Variants in AP4E1 observed in about 807,000 individuals in gnomAD.
The protein encoded by AP4E1 is AP-4 complex subunit epsilon-1.
In AP4E1, 56 loss-of-function variants were observed where a neutral mutation model predicts 128.2. The ratio of observed to expected loss-of-function variants is 0.44; its 90% confidence interval spans 0.35 to 0.55. AP4E1 has a LOEUF of 0.55. Among genes scored for constraint, AP4E1 ranks in the 20% least tolerant of loss-of-function variants. The pLI, the probability that AP4E1 is intolerant of heterozygous loss-of-function variation, is 0.00. For synonymous variants in AP4E1, 484 were observed against 473.1 expected (o/e 1.02, Z -0.30); for missense variants, 1,324 against 1,307.7 (o/e 1.01, Z -0.19).
intron 10 of AP4E1, among the ~76,000 whole-genome samples, chr15:50,942,538 A>T (rs2064001755): frequency 6.6e-6 from 1 of 151,482 alleles, no homozygotes; most frequent in Non-Finnish European, 1.5e-5. Flanking sequence ...TAATGAAGAT[A>T]TTCATAAATT....
chr15:50,945,434 A>T (rs1316912330), intron 10 of AP4E1: 2 of 777,320 alleles, frequency 2.6e-6, no homozygotes, highest in Non-Finnish European at 4.8e-6. Context: ...ACGGCAGCAA[A>T]TGAAGACTAT....
At chr15:50,996,481 A>G (rs768493778) in intron 17 of AP4E1, among the ~76,000 whole-genome samples, 12 of 152,112 alleles carry the variant, frequency 7.9e-5, no homozygotes, top group Non-Finnish European at 1.2e-4. Context: ...ATCTGTTCAG[A>G]GTTGGAAGAA....
intron 8 of AP4E1, among the ~76,000 whole-genome samples, chr15:50,938,669 T>C (rs1402664046): frequency 3.3e-5 from 5 of 152,164 alleles, no homozygotes; most frequent in Admixed American, 2.6e-4. Flanking sequence ...AGAGAAAGCC[T>C]GGTGGACAGT....
At chr15:50,934,471 C>A in intron 7 of AP4E1, 153 bp from the exon 8 acceptor site, 1 of 594,652 alleles carries the variant, frequency 1.7e-6, no homozygotes, top group Non-Finnish European at 3.0e-6. Context: ...AACAGCAAAC[C>A]TTTTAAGAAG....
At chr15:50,922,163 C>CA (rs34829950) in intron 3 of AP4E1, among the ~76,000 whole-genome samples, 22,597 of 79,586 alleles carry the variant, frequency 0.28, 2,848 homozygotes, top group African/African-American at 0.4. Flanking sequence ...CCTATCTCTA[C>CA]AAAAAAAAAA....
At position 51,002,854 on chromosome 15, in the gene AP4E1, T is replaced by C. The variant is rs2064981662; in HGVS notation, c.*192T>C. On this transcript the variant is annotated 3_prime_UTR_variant, in exon 21 of 21. Transcript: ENST00000261842. ...TGTATCCCTAACCTTTAACTCAGGATTGTACAGTATGTTTAGGTCCCTCAA... is the reference window on the plus strand; with the variant it reads ...TGTATCCCTAACCTTTAACTCAGGACTGTACAGTATGTTTAGGTCCCTCAA... The C allele has an allele frequency of 1.5e-6, 1 of 673,682 alleles. No homozygotes were observed. The allele number at this position is 673,682 out of a possible 1,614,324, so 41.7% of individuals were successfully genotyped here. A position where few individuals can be genotyped will look rare whatever the true frequency, so the allele number is the denominator to read the frequency against.
Position 50,908,820 on chromosome 15 carries a change from ACT to A in AP4E1, c.45_46del (p.Phe16SerfsTer46), listed in dbSNP as rs1567202877. 2 of 1,604,988 alleles carry A rather than the reference ACT, an allele frequency of 1.2e-6. No homozygotes were observed. ...VEKTLTALPG[L>X]FLQNQPGGGP... is the part of the protein sequence containing the mutation. ...AGAAGACGCTGACGGCGCTGCCGGG[ACT>A]CTTTCTGCAGAACCAGCCCGGTGGT... is the stretch of plus-strand genomic sequence containing the variant. On this transcript the variant is annotated frameshift_variant, in exon 1 of 21. Coordinates refer to ENST00000261842, the MANE Select transcript of AP4E1 (RefSeq NM_007347.5). LOFTEE classifies it high-confidence loss of function.
intron 16 of AP4E1, among the ~76,000 whole-genome samples, chr15:50,989,188 T>G (rs1271283067): frequency 6.6e-6 from 1 of 152,246 alleles, no homozygotes; most frequent in Admixed American, 6.5e-5. Context: ...GAAATGGCTT[T>G]CTTGTTTGGG....
chr15:50,980,463 C>T (rs911373939), intron 15 of AP4E1, among the ~76,000 whole-genome samples: 1 of 152,148 alleles, frequency 6.6e-6, no homozygotes, highest in African/African-American at 2.4e-5. Context: ...TATAATTAAA[C>T]AGAAGCATGA....
chr15:50,997,838 A>G lies in AP4E1; in HGVS notation c.2859A>G (p.Glu953=). The G allele has an allele frequency of 6.3e-7, 1 of 1,599,252 alleles. No homozygotes were observed. The highest frequency in any genetic ancestry group is 2.2e-5 in the East Asian group (1 of 44,524). The change falls in exon 18 of 21, where the codon GAA becomes GAG. Residue 953 remains glutamate, a synonymous_variant. Coordinates refer to ENST00000261842, the MANE Select transcript of AP4E1 (RefSeq NM_007347.5). Reference sequence around the variant, plus strand: ...CAGTCACTAATAAGAGTGGTTTGGAATTGAAAAGTGCTGACTTAGAAATTT... The same window carrying G: ...CAGTCACTAATAAGAGTGGTTTGGAGTTGAAAAGTGCTGACTTAGAAATTT... The part of the protein sequence containing the change: ...VWSVTNKSGL[E]LKSADLEIFP...
rs749805555 is a variant in AP4E1, at chr15:51,002,655, G to T, written c.3407G>T (p.Gly1136Val). ...LLYQCQKVME[G>V]S ...TATCAGTGTCAAAAGGTGATGGAGG[G>T]ATCCTAGCAGAAGCCCTGCTAAATT... The change falls in exon 21 of 21, where the codon GGA becomes GTA. Residue 1136 changes from glycine (G) to valine (V), a missense_variant. Physicochemically the swap from Gly to Val is moderately radical, Grantham distance 109. Transcript: ENST00000261842. 11 of 1,613,896 alleles carry T rather than the reference G, an allele frequency of 6.8e-6. No individual in the cohort carries two copies. Among genetic ancestry groups the T allele is most frequent in the African/African-American group, 1.3e-5 (1 of 74,898 alleles).
intron 6 of AP4E1, among the ~76,000 whole-genome samples, chr15:50,929,630 T>A (rs930743584): frequency 3.3e-5 from 5 of 152,310 alleles, no homozygotes; most frequent in African/African-American, 1.2e-4. Flanking sequence ...TAAATGGCGA[T>A]GGTGGATTTA....
At chr15:50,987,846 G>A (rs558325709) in intron 16 of AP4E1, among the ~76,000 whole-genome samples, 1 of 152,022 alleles carries the variant, frequency 6.6e-6, no homozygotes. Flanking sequence ...TCTATTTATT[G>A]CTCTTAAGGT....
At chr15:50,952,263 C>T (rs550648466) in intron 13 of AP4E1, among the ~76,000 whole-genome samples, 4 of 152,234 alleles carry the variant, frequency 2.6e-5, no homozygotes, top group Middle Eastern at 3.4e-3. Context: ...GTAATCCCAG[C>T]ACTTTGGGAT....
At position 50,949,903 on chromosome 15, in the gene AP4E1, A is replaced by G; in HGVS notation, c.1394A>G (p.Asp465Gly). ...FSVGGDVMHP[D>G]IPNNFLRLLA... The stretch of plus-strand genomic sequence containing the variant: ...GTAGGAGGAGATGTAATGCATCCTG[A>G]TATTCCCAATAACTTTCTGAGACTA... The change falls in exon 12 of 21, where the codon GAT becomes GGT. Residue 465 changes from aspartate to glycine, a missense_variant. Physicochemically the swap from Asp to Gly is moderately conservative, Grantham distance 94. Transcript: ENST00000261842. 1 of 1,613,698 alleles carries G rather than the reference A, an allele frequency of 6.2e-7. No individual in the cohort carries two copies. The highest frequency in any genetic ancestry group is 1.1e-5 in the South Asian group (1 of 91,080).
intron 20 of AP4E1, 84 bp downstream of exon 20, chr15:51,001,267 G>A: frequency 7.7e-7 from 1 of 1,294,740 alleles, no homozygotes; most frequent in South Asian, 1.3e-5. Context: ...ACAAGTATCA[G>A]ATTTCTCAGA....
chr15:50,927,350 A>T (rs1382971434), intron 5 of AP4E1, among the ~76,000 whole-genome samples: 1 of 152,202 alleles, frequency 6.6e-6, no homozygotes, highest in Admixed American at 6.5e-5. Flanking sequence ...AGCTATAGGT[A>T]AGCCAGTAGA....
chr15:50,986,533 G>T (rs2064726637), intron 16 of AP4E1, among the ~76,000 whole-genome samples: 1 of 152,108 alleles, frequency 6.6e-6, no homozygotes. Context: ...GTTGAATTTT[G>T]TCAAAGGCCT....
intron 14 of AP4E1, among the ~76,000 whole-genome samples, chr15:50,959,481 T>C (rs1224179626): frequency 6.6e-6 from 1 of 151,954 alleles, no homozygotes; most frequent in East Asian, 1.9e-4. Context: ...ATACACAGCA[T>C]AAAGGAGAAA....
Sources: allele counts gnomAD v4.1 joint callset (sites outside exome capture counted in the v4.1 genomes callset), GRCh38; gene constraint gnomAD v4.1.1; transcripts MANE v1.5; gene names NCBI Gene and HGNC (gene_info 2026-07-23, HGNC 2026-07-21).